Variants in PROM1 observed in about 807,000 individuals in gnomAD.
PROM1 encodes prominin-1.
In PROM1, 105 loss-of-function variants were observed where a neutral mutation model predicts 116.9. The observed-to-expected ratio is 0.90, with a 90% CI of 0.77 to 1.06. The LOEUF is 1.06. Among genes scored for constraint, PROM1 ranks in the 50% least tolerant of loss-of-function variants. PROM1 has a pLI of 0.00. For synonymous variants in PROM1, 393 were observed against 387.0 expected, an observed-to-expected ratio of 1.02 and a Z score of -0.18; for missense variants, 1,122 against 1,045.2, an observed-to-expected ratio of 1.07 and a Z score of -1.01.
intron 2 of PROM1, among the ~76,000 whole-genome samples, chr4:16,061,623 C>A (rs938067814): frequency 6.6e-6 from 1 of 152,162 alleles, no homozygotes; most frequent in South Asian, 2.1e-4. Context: ...CGGCCCTCTG[C>A]GAATACAGCT....
intron 5 of PROM1, among the ~76,000 whole-genome samples, chr4:16,031,012 C>T (rs1732579384): frequency 6.6e-6 from 1 of 152,154 alleles, no homozygotes; most frequent in South Asian, 2.1e-4. Flanking sequence ...CGCCACTGCA[C>T]TCCAACCTGG....
At chr4:16,003,737 G>A (rs1724479786) in intron 13 of PROM1, among the ~76,000 whole-genome samples, 1 of 152,158 alleles carries the variant, frequency 6.6e-6, no homozygotes, top group Admixed American at 6.5e-5. Context: ...GATCTCTTGA[G>A]ACCAGGAATT....
At chr4:15,987,236 T>G (rs1316949109) in intron 20 of PROM1, among the ~76,000 whole-genome samples, 1 of 152,220 alleles carries the variant, frequency 6.6e-6, no homozygotes, top group Non-Finnish European at 1.5e-5. Flanking sequence ...TATGAGGACA[T>G]GAGGTGCCCC....
chr4:16,079,978 C>G (rs1744692271), intron 1 of PROM1: 1 of 129,796 alleles, frequency 7.7e-6, no homozygotes, highest in African/African-American at 2.9e-5. Context: ...GAATTGCTAC[C>G]AGCCTGGGCA....
intron 1 of PROM1, 119 bp downstream of exon 1, chr4:16,083,838 TGCGGCCGGACCCTCGGACGTG>T (rs2149632524): frequency 6.6e-6 from 1 of 152,134 alleles, no homozygotes; most frequent in Admixed American, 6.5e-5. Flanking sequence ...CAGGCGGCGC[TGCGGCCGGACCCTCGGACGTG>T]GCGGGAGGCA....
chr4:16,043,171 A>G (rs557813837), intron 2 of PROM1, among the ~76,000 whole-genome samples: 2 of 152,180 alleles, frequency 1.3e-5, no homozygotes, highest in Non-Finnish European at 1.5e-5. Flanking sequence ...TGAGACCCAC[A>G]GTGTGTGAGT....
intron 14 of PROM1, 94 bp from the exon 15 acceptor site, chr4:15,998,582 G>T: frequency 7.9e-7 from 1 of 1,262,786 alleles, no homozygotes; most frequent in South Asian, 2.7e-5. Flanking sequence ...ATGTATTTTG[G>T]AAATTTTTCA....
Position 16,055,608 on chromosome 4 carries a change from A to G in PROM1, c.221-16607T>C, listed in dbSNP as rs1042460428. On this transcript the variant is annotated intron_variant, in intron 2 of 27. Transcript: ENST00000447510. ...GAGAGGCTGTCACGGAATCAATAATAAAAAGACTAAGACTCTGCTACATAG... is the reference window on the plus strand; with the variant it reads ...GAGAGGCTGTCACGGAATCAATAATGAAAAGACTAAGACTCTGCTACATAG... 2.6e-5 allele frequency among the ~76,000 whole-genome samples: 4 copies of G among 152,226 alleles called. No homozygotes were observed. In the South Asian group the frequency reaches 6.2e-4, roughly 24 times the overall value.
intron 5 of PROM1, among the ~76,000 whole-genome samples, chr4:16,030,316 C>T (rs997107596): frequency 3.3e-5 from 5 of 152,100 alleles, no homozygotes; most frequent in African/African-American, 9.7e-5. Context: ...ATTCAATGTG[C>T]TATATGAAAT....
At chr4:16,076,995 T>C (rs551974526) in intron 1 of PROM1, among the ~76,000 whole-genome samples, 1 of 152,314 alleles carries the variant, frequency 6.6e-6, no homozygotes, top group South Asian at 2.1e-4. Flanking sequence ...GAAAGCCAGG[T>C]ATTGTCCAAG....
intron 14 of PROM1, among the ~76,000 whole-genome samples, chr4:15,999,403 G>A (rs202017739): frequency 1.2e-4 from 19 of 152,008 alleles, no homozygotes; most frequent in East Asian, 1.2e-3. Flanking sequence ...ACCGGGAGGC[G>A]GAGCTGGCAG....
chr4:16,069,188 T>C (rs1295322780), intron 2 of PROM1, among the ~76,000 whole-genome samples: 2 of 152,134 alleles, frequency 1.3e-5, no homozygotes, highest in Admixed American at 1.3e-4. Context: ...TGAGCCGAGA[T>C]CGTGCCACTG....
At chr4:16,037,057 C>T (rs1734092618) in intron 3 of PROM1, among the ~76,000 whole-genome samples, 1 of 152,068 alleles carries the variant, frequency 6.6e-6, no homozygotes, top group African/African-American at 2.4e-5. Context: ...GCACAAAGAC[C>T]CTGCCAGGGA....
chr4:16,049,082 C>T (rs528988659), intron 2 of PROM1, among the ~76,000 whole-genome samples: 2 of 152,180 alleles, frequency 1.3e-5, no homozygotes, highest in Middle Eastern at 3.2e-3. Context: ...TGTGCTGCCG[C>T]CCCTGGAGAA....
At chr4:15,980,176 G>A in intron 24 of PROM1, 1 of 598,730 alleles carries the variant, frequency 1.7e-6, no homozygotes, top group Non-Finnish European at 2.9e-6. Context: ...CTGCAAACAA[G>A]AAATAAAAAG....
chr4:15,970,986 C>T, intron 27 of PROM1, 57 bp downstream of exon 27: 1 of 1,381,388 alleles, frequency 7.2e-7, no homozygotes, highest in Non-Finnish European at 1.0e-6. Context: ...TTTTGATGTT[C>T]TAAAAACTAA....
Position 16,051,330 on chromosome 4 carries a change from T to A in PROM1, c.221-12329A>T, listed in dbSNP as rs544832372. Among the ~76,000 whole-genome samples the A allele has an allele frequency of 7.5e-4, 114 of 152,370 alleles. No individual in the cohort carries two copies. The Middle Eastern group carries it at 0.014, about 18-fold the overall frequency. ...AGAGAACTCCAGCCCTGCTATTTAA[T>A]GGCTGTGTGGCCTTGGGCAGGTGGC... On this transcript the variant is annotated intron_variant, in intron 2 of 27. Coordinates refer to ENST00000447510, the MANE Select transcript of PROM1 (RefSeq NM_006017.3).
At chr4:16,052,609 C>G (rs913483633) in intron 2 of PROM1, among the ~76,000 whole-genome samples, 2 of 152,140 alleles carry the variant, frequency 1.3e-5, no homozygotes, top group African/African-American at 4.8e-5. Context: ...TCCTGAGTAG[C>G]TGGGACTACA....
At chr4:15,995,834 T>C (rs1191320888) in intron 15 of PROM1, among the ~76,000 whole-genome samples, 1 of 152,224 alleles carries the variant, frequency 6.6e-6, no homozygotes, top group Non-Finnish European at 1.5e-5. Context: ...AATACATTTC[T>C]GTCACCTGTA....
Sources: gnomAD v4.1 joint callset for allele counts (sites outside exome capture counted in the v4.1 genomes callset) on GRCh38, gnomAD v4.1.1 for gene constraint, MANE v1.5 for transcripts, NCBI Gene and HGNC (gene_info 2026-07-23, HGNC 2026-07-21) for gene names.